IRS4: variants seen among roughly 807,000 people sequenced by gnomAD.
IRS4 encodes insulin receptor substrate 4, also known as 160 kDa phosphotyrosine protein.
A neutral mutation model predicts 48.6 loss-of-function variants in IRS4; 15 were observed. The observed-to-expected ratio is 0.31, with a 90% confidence interval of 0.21 to 0.48. The LOEUF (loss-of-function observed/expected upper bound fraction) is 0.48, where lower values mean the gene tolerates loss of function less well. Among genes scored for constraint, IRS4 ranks in the 20% least tolerant of loss-of-function variants. IRS4 has a pLI of 0.99. For synonymous variants in IRS4, 459 were observed against 413.2 expected, an observed-to-expected ratio of 1.11 and a Z score of -1.34; for missense variants, 987 against 1,023.4, an observed-to-expected ratio of 0.96 and a Z score of 0.49.
rs1415944352 is a variant in IRS4 at position 108,721,804 on chromosome X, G to A, written c.*715C>T. On this transcript the variant is annotated 3_prime_UTR_variant, in exon 2 of 2. Coordinates refer to ENST00000372129, the MANE Select transcript of IRS4 (RefSeq NM_001379150.1). Reference sequence around the variant, plus strand: ...CAGTGTTGTATGTGAACAAATAGCTGTTTCTCAGTTCTGCCTTTAAAATGT... The same window carrying A: ...CAGTGTTGTATGTGAACAAATAGCTATTTCTCAGTTCTGCCTTTAAAATGT... 8.9e-6 allele frequency: 1 copy of A among 111,922 alleles called. No individual in the cohort carries two copies. Among genetic ancestry groups the A allele is most frequent in the Non-Finnish European group, 1.9e-5 (1 of 53,167 alleles). 9.2% of individuals were successfully genotyped at this position (111,922 alleles called of 1,213,427 possible).
Position 108,720,884 on chromosome X carries a change from G to A in IRS4, c.*1635C>T, listed in dbSNP as rs746277904. 3 of 112,102 alleles carry A rather than the reference G, an allele frequency of 2.7e-5. No homozygotes were observed. Among genetic ancestry groups the A allele is most frequent in the African/African-American group, 9.7e-5 (3 of 30,868 alleles). 9.2% of individuals were successfully genotyped at this position (112,102 alleles called of 1,213,427 possible). A position where few individuals can be genotyped will look rare whatever the true frequency, so the allele number is the denominator to read the frequency against. Reference sequence around the variant, plus strand: ...AGCCCACCATCCCTTTGGTTGGTAGGCAAGGAAAAATAGAAGTCAACTCGG... The same window carrying A: ...AGCCCACCATCCCTTTGGTTGGTAGACAAGGAAAAATAGAAGTCAACTCGG... On this transcript the variant is annotated 3_prime_UTR_variant, in exon 2 of 2. Transcript: ENST00000372129.
Position 108,733,653 on chromosome X carries a change from C to T in IRS4, c.2692G>A (p.Gly898Arg). ...RPNRLSFITK[G>R]YKIKPKPQKP... is the part of the protein sequence containing the mutation. Reference sequence around the variant, plus strand: ...TGTGGTTTTGGCTTGATTTTATATCCTTTTGTAATAAAAGAAAGTCGGTTA... The same window carrying T: ...TGTGGTTTTGGCTTGATTTTATATCTTTTTGTAATAAAAGAAAGTCGGTTA... The change falls in exon 1 of 2, where the codon GGA becomes AGA. Residue 898 changes from glycine (G) to arginine (R), a missense_variant. Gly to Arg is a moderately radical substitution (Grantham distance 125). This residue lies in a region of IRS4 where 720 missense variants were observed against 660.3 expected (regional missense o/e 1.09). Transcript: ENST00000372129. The T allele has an allele frequency of 1.7e-6, 2 of 1,211,591 alleles. No homozygotes were observed. Among genetic ancestry groups the T allele is most frequent in the Non-Finnish European group, 2.2e-6 (2 of 895,498 alleles).
At chrX:108,725,574 T>G (rs1022427151) in intron 1 of IRS4, among the ~76,000 whole-genome samples, 3 of 110,567 alleles carry the variant, frequency 2.7e-5, no homozygotes, top group Non-Finnish European at 5.7e-5. Context: ...CTGGAGTATA[T>G]GTAGGTTTTT....
chrX:108,725,835 G>T (rs191275134), intron 1 of IRS4: 92 of 112,357 alleles, frequency 8.2e-4, no homozygotes, highest in African/African-American at 2.8e-3. Context: ...ATCTGTAAGG[G>T]AAATGTATGA....
Position 108,732,593 on chromosome X carries a change from T to C in IRS4, c.3752A>G (p.Asp1251Gly), listed in dbSNP as rs1417442247. ...MDFARRDNQF[D>G]SPKRE Reference sequence around the variant, plus strand: ...AAATTACCGACCTCTTTTGGGAGAGTCGAACTGATTATCACGTCTGGCAAA... The same window carrying C: ...AAATTACCGACCTCTTTTGGGAGAGCCGAACTGATTATCACGTCTGGCAAA... The change falls in exon 1 of 2, where the codon GAC (aspartate) becomes GGC (glycine). Residue 1251 changes from aspartate to glycine, a missense_variant. Asp to Gly is a moderately conservative substitution (Grantham distance 94). Around this residue, in one of 4 missense-constraint regions of IRS4, gnomAD observed 720 missense variants for 660.3 expected, o/e 1.09. Transcript: ENST00000372129. 3 of 1,208,871 alleles carry C rather than the reference T, an allele frequency of 2.5e-6. No individual in the cohort carries two copies. Among genetic ancestry groups the C allele is most frequent in the East Asian group, 5.9e-5 (2 of 33,731 alleles).
intron 1 of IRS4, 145 bp downstream of exon 1, chrX:108,732,434 T>G: frequency 9.5e-7 from 1 of 1,054,905 alleles, no homozygotes; most frequent in Non-Finnish European, 1.3e-6. Flanking sequence ...AAAAGGCATT[T>G]GTGAATAATT....
chrX:108,733,505 A>G lies in IRS4; in HGVS notation c.2840T>C (p.Ile947Thr), dbSNP rs1400457304. 4.1e-6 allele frequency: 5 copies of G among 1,210,213 alleles called. No individual in the cohort carries two copies. The highest frequency in any genetic ancestry group is 2.2e-5 in the Admixed American group (1 of 45,855). The change falls in exon 1 of 2, where the codon ATA (isoleucine) becomes ACA (threonine). Residue 947 changes from isoleucine (I) to threonine (T), a missense_variant. Transcript: ENST00000372129. ...GGCTGACTGTCTGGGTTCAGCAATT[A>G]TGCCCCACGAATCTGGTAGTCCTTG... The part of the protein sequence containing the change: ...STQGLPDSWG[I>T]IAEPRQSAFS...
chrX:108,730,393 G>A (rs1403472932), intron 1 of IRS4, among the ~76,000 whole-genome samples: 1 of 103,506 alleles, frequency 9.7e-6, no homozygotes, highest in Non-Finnish European at 2.0e-5. Flanking sequence ...TTATGTGCAG[G>A]AATCACCCTC....
intron 1 of IRS4, among the ~76,000 whole-genome samples, chrX:108,731,221 T>TG (rs765497211): frequency 9.5e-4 from 105 of 110,250 alleles, no homozygotes; most frequent in African/African-American, 3.3e-3. Flanking sequence ...AAAGGGGATG[T>TG]GGGGGGGCTA....
At chrX:108,728,903 T>C (rs1157013000) in intron 1 of IRS4, among the ~76,000 whole-genome samples, 1 of 112,012 alleles carries the variant, frequency 8.9e-6, no homozygotes, top group Non-Finnish European at 1.9e-5. Context: ...TTAAGGTAAG[T>C]ATTTTGCTAG....
At position 108,734,506 on chromosome X, in the gene IRS4, T is replaced by A. The variant is rs1198382750; in HGVS notation, c.1839A>T (p.Arg613Ser). ...DGERGKSLKK[R>S]SYFGKLTQSK... ...TTTGAGTTAATTTGCCAAAATAGGA[T>A]CTTTTCTTCAGAGATTTTCCACGTT... Residue 613 changes from arginine to serine, a missense_variant, in exon 1 of 2, where the codon AGA (arginine) becomes AGT (serine). Physicochemically the swap from Arg to Ser is moderately radical, Grantham distance 110. This residue lies in a region of IRS4 where 720 missense variants were observed against 660.3 expected (regional missense o/e 1.09). Transcript: ENST00000372129. The A allele has an allele frequency of 1.2e-5, 14 of 1,211,279 alleles. No homozygotes were observed. Among genetic ancestry groups the A allele is most frequent in the Non-Finnish European group, 1.6e-5 (14 of 895,410 alleles).
chrX:108,722,058 A>T lies in IRS4; in HGVS notation c.*461T>A, dbSNP rs1191800404. ...GATTCCAGATCATACCTTCCTTCCA[A>T]TTATGACAGCTGTTTTTTCTTTATG... is the stretch of plus-strand genomic sequence containing the variant. On this transcript the variant is annotated 3_prime_UTR_variant, in exon 2 of 2. Transcript: ENST00000372129. The T allele has an allele frequency of 1.8e-5, 2 of 112,119 alleles. No individual in the cohort carries two copies. Among genetic ancestry groups the T allele is most frequent in the Admixed American group, 1.9e-4 (2 of 10,591 alleles). The allele number at this position is 112,119 out of a possible 1,213,427, so 9.2% of individuals were successfully genotyped here. A position where few individuals can be genotyped will look rare whatever the true frequency, so the allele number is the denominator to read the frequency against.
At chrX:108,732,380 G>C in intron 1 of IRS4, 199 bp downstream of exon 1, 2 of 599,905 alleles carry the variant, frequency 3.3e-6, no homozygotes, top group Non-Finnish European at 5.1e-6. Context: ...GTTCTGTCCA[G>C]ATAAAGAAAT....
chrX:108,736,404 T>C lies in IRS4; in HGVS notation c.-60A>G. On this transcript the variant is annotated 5_prime_UTR_variant, in exon 1 of 2. Transcript: ENST00000372129. ...GAGGGGGAATTCAGGAAAGGGAGGG[T>C]TGGGGGAAGAGGCTGTCTACCCTCG... 1 of 1,197,626 alleles carries C rather than the reference T, an allele frequency of 8.3e-7. No homozygotes were observed. The highest frequency in any genetic ancestry group is 1.8e-5 in the South Asian group (1 of 55,333).
chrX:108,735,881 G>A lies in IRS4; in HGVS notation c.464C>T (p.Ser155Phe), dbSNP rs956001111. 1 of 1,210,014 alleles carries A rather than the reference G, an allele frequency of 8.3e-7. No individual in the cohort carries two copies. Among genetic ancestry groups the A allele is most frequent in the East Asian group, 3.0e-5 (1 of 33,662 alleles). Residue 155 changes from serine (S) to phenylalanine (F), a missense_variant, in exon 1 of 2, where the codon TCC becomes TTC. Ser to Phe is a radical substitution (Grantham distance 155). Transcript: ENST00000372129. ...CCTTGCATCTGCTCGCTGGCTCACG[G>A]AAAAGCACTGGTATAGGGTGATCAC... ...RRVITLYQCF[S>F]VSQRADARYR...
chrX:108,732,375 G>T lies in IRS4; in HGVS notation c.3766+204C>A. On this transcript the variant is annotated intron_variant, in intron 1 of 1. Coordinates refer to ENST00000372129, the MANE Select transcript of IRS4 (RefSeq NM_001379150.1). ...CAGTGTTTAAATGATAATCAGTTCT[G>T]TCCAGATAAAGAAATTGATTAGATA... is the stretch of plus-strand genomic sequence containing the variant. The T allele has an allele frequency of 1.0e-5, 6 of 573,075 alleles. 1 individual carries two copies. The South Asian group carries it at 1.9e-4, about 18-fold the overall frequency. 47.2% of individuals were successfully genotyped at this position (573,075 alleles called of 1,213,427 possible).
rs766449013 is a variant in IRS4, at chrX:108,722,397, T to G, written c.*122A>C. On this transcript the variant is annotated 3_prime_UTR_variant, in exon 2 of 2. Transcript: ENST00000372129. ...AGTCCACTTGTAGGCTTGTAGAAAT[T>G]TGGGTTGCTTTCTACTCAGAAGCCT... 38 of 251,500 alleles carry G rather than the reference T, an allele frequency of 1.5e-4. No individual in the cohort carries two copies. Among genetic ancestry groups the G allele is most frequent in the Admixed American group, 1.5e-3 (29 of 19,884 alleles). The allele number at this position is 251,500 out of a possible 1,213,427, so 20.7% of individuals were successfully genotyped here.
At position 108,733,028 on chromosome X, in the gene IRS4, T is replaced by G. The variant is rs765036092; in HGVS notation, c.3317A>C (p.Asp1106Ala). The stretch of plus-strand genomic sequence containing the variant: ...TGGGGAAAGGTCTCTCTCGAGGCTG[T>G]CTGTTGGAAAAGCAGAGACAGCGGC... ...ARAAVSAFPT[D>A]SLERDLSPSS... is the part of the protein sequence containing the mutation. The change falls in exon 1 of 2, where the codon GAC becomes GCC. Residue 1106 changes from aspartate to alanine, a missense_variant. By Grantham distance (126) the Asp-to-Ala change is moderately radical. Around this residue, in one of 4 missense-constraint regions of IRS4, gnomAD observed 720 missense variants for 660.3 expected, o/e 1.09. Transcript: ENST00000372129. The G allele has an allele frequency of 6.6e-6, 8 of 1,209,625 alleles. No individual in the cohort carries two copies. Among genetic ancestry groups the G allele is most frequent in the Non-Finnish European group, 7.8e-6 (7 of 894,992 alleles).
Position 108,735,790 on chromosome X carries a change from C to G in IRS4, c.555G>C (p.Ser185=), listed in dbSNP as rs1350782004. The change falls in exon 1 of 2, where the codon TCG becomes TCC. Residue 185 remains serine (S), a synonymous_variant. Transcript: ENST00000372129. ...GCAGCAAGTACCAGCTTTCCTGCTC[C>G]GACTCGTTCTCGGCCACCATCGCGA... is the stretch of plus-strand genomic sequence containing the variant. The part of the protein sequence containing the change: ...EYFAMVAENE[S]EQESWYLLLS... The G allele has an allele frequency of 8.3e-7, 1 of 1,205,109 alleles. No individual in the cohort carries two copies. Among genetic ancestry groups the G allele is most frequent in the Non-Finnish European group, 1.1e-6 (1 of 893,430 alleles).
Sources: allele counts gnomAD v4.1 joint callset (sites outside exome capture counted in the v4.1 genomes callset), GRCh38; gene constraint gnomAD v4.1.1; regional missense constraint gnomAD v4.1.1; transcripts MANE v1.5; gene names NCBI Gene and HGNC (gene_info 2026-07-23, HGNC 2026-07-21).